Variants in GRIN3A observed in about 807,000 individuals in gnomAD.
GRIN3A encodes glutamate receptor ionotropic, NMDA 3A.
GRIN3A carries 47 observed loss-of-function variants against 92.4 expected under a neutral mutation model. That is an observed-to-expected ratio of 0.51 (90% confidence interval 0.40 to 0.65). GRIN3A has a LOEUF of 0.65. Among genes scored for constraint, GRIN3A ranks in the 30% least tolerant of loss-of-function variants. GRIN3A has a pLI of 0.00. For missense variants in GRIN3A, 1,324 were observed against 1,393.1 expected (o/e 0.95, Z 0.79); for synonymous variants, 527 against 540.6 (o/e 0.97, Z 0.35).
At chr9:101,604,721 T>G (rs1470022899) in intron 6 of GRIN3A, among the ~76,000 whole-genome samples, 2 of 152,260 alleles carry the variant, frequency 1.3e-5, no homozygotes, top group Admixed American at 6.5e-5. Flanking sequence ...AATACTGCAT[T>G]AAAACTGCCC....
intron 3 of GRIN3A, among the ~76,000 whole-genome samples, chr9:101,652,835 G>A (rs1397232298): frequency 6.6e-6 from 1 of 151,992 alleles, no homozygotes; most frequent in African/African-American, 2.4e-5. Context: ...GAAAAGGGCT[G>A]TGGAGCAGCC....
intron 3 of GRIN3A, among the ~76,000 whole-genome samples, chr9:101,663,238 C>T (rs966856583): frequency 5.9e-5 from 9 of 151,860 alleles, no homozygotes; most frequent in Admixed American, 5.9e-4. Flanking sequence ...ATCAGGTCTC[C>T]TGCCAGGCTC....
intron 6 of GRIN3A, chr9:101,600,872 A>C (rs1392769144): frequency 1.3e-5 from 2 of 152,366 alleles, no homozygotes; most frequent in East Asian, 3.9e-4. Flanking sequence ...GGCATCATTT[A>C]TTCAATCATG....
At chr9:101,589,619 C>CT (rs1315556335) in intron 6 of GRIN3A, among the ~76,000 whole-genome samples, 2 of 151,746 alleles carry the variant, frequency 1.3e-5, no homozygotes. Flanking sequence ...CACAATGAAG[C>CT]TTTTTTTTGA....
At chr9:101,709,360 C>T (rs1336543885) in intron 1 of GRIN3A, among the ~76,000 whole-genome samples, 1 of 152,058 alleles carries the variant, frequency 6.6e-6, no homozygotes, top group Non-Finnish European at 1.5e-5. Flanking sequence ...AAAAAATATA[C>T]CATTTATTGA....
At chr9:101,599,115 AT>A (rs1457021551) in intron 6 of GRIN3A, among the ~76,000 whole-genome samples, 5 of 152,218 alleles carry the variant, frequency 3.3e-5, no homozygotes, top group Non-Finnish European at 5.9e-5. Flanking sequence ...GAGTGAAGCC[AT>A]TGCTGTACCA....
At chr9:101,696,988 A>G (rs977142233) in intron 1 of GRIN3A, among the ~76,000 whole-genome samples, 2 of 152,194 alleles carry the variant, frequency 1.3e-5, no homozygotes, top group Non-Finnish European at 2.9e-5. Context: ...GTGATGTAAT[A>G]TGCCTTTTAT....
chr9:101,619,731 G>A (rs1828523066), intron 5 of GRIN3A, among the ~76,000 whole-genome samples: 1 of 152,264 alleles, frequency 6.6e-6, no homozygotes, highest in African/African-American at 2.4e-5. Context: ...ACAGGCAAAG[G>A]TCTTTGGCAG....
intron 6 of GRIN3A, among the ~76,000 whole-genome samples, chr9:101,595,898 C>A (rs1331011756): frequency 6.6e-6 from 1 of 152,148 alleles, no homozygotes; most frequent in Non-Finnish European, 1.5e-5. Context: ...GAGTGACAGT[C>A]GCCTCTGGAT....
intron 3 of GRIN3A, among the ~76,000 whole-genome samples, chr9:101,642,302 C>T (rs548341367): frequency 6.6e-6 from 1 of 152,156 alleles, no homozygotes; most frequent in East Asian, 1.9e-4. Flanking sequence ...TGCCCTTTAC[C>T]TGGCAGCATA....
At chr9:101,733,414 T>A (rs1343130467) in intron 1 of GRIN3A, among the ~76,000 whole-genome samples, 1 of 152,248 alleles carries the variant, frequency 6.6e-6, no homozygotes, top group Non-Finnish European at 1.5e-5. Flanking sequence ...AAAAGATCAC[T>A]GCTTTAAAAA....
At position 101,613,071 on chromosome 9, in the gene GRIN3A, T is replaced by C. The variant is rs188198836; in HGVS notation, c.2766+305A>G. Among the ~76,000 whole-genome samples the C allele has an allele frequency of 1.8e-3, 272 of 152,344 alleles. 1 individual carries two copies. The highest frequency in any genetic ancestry group is 3.2e-3 in the Non-Finnish European group (220 of 68,030). On this transcript the variant is annotated intron_variant, in intron 6 of 8. Transcript: ENST00000361820. Reference sequence around the variant, plus strand: ...AAACACTGTTCATGTCAATCTCAGATACTATTGCTGTAATTCAGAACAGCA... The same window carrying C: ...AAACACTGTTCATGTCAATCTCAGACACTATTGCTGTAATTCAGAACAGCA...
chr9:101,573,556 C>A, intron 8 of GRIN3A, 43 bp from the exon 9 acceptor site: 1 of 1,459,232 alleles, frequency 6.9e-7, no homozygotes, highest in Non-Finnish European at 9.6e-7. Context: ...CATTCTGCAG[C>A]TCTCAAGGTG....
At chr9:101,646,901 A>C (rs1158760122) in intron 3 of GRIN3A, among the ~76,000 whole-genome samples, 1 of 150,254 alleles carries the variant, frequency 6.7e-6, no homozygotes, top group Non-Finnish European at 1.5e-5. Flanking sequence ...TTTTTTGTAG[A>C]GTCTTTAGGG....
chr9:101,632,286 G>C (rs1828725311), intron 3 of GRIN3A, among the ~76,000 whole-genome samples: 1 of 152,074 alleles, frequency 6.6e-6, no homozygotes, highest in African/African-American at 2.4e-5. Context: ...GTTTCACATA[G>C]CACTGACAAC....
chr9:101,706,194 T>A (rs1829814782), intron 1 of GRIN3A, among the ~76,000 whole-genome samples: 2 of 152,198 alleles, frequency 1.3e-5, no homozygotes, highest in Non-Finnish European at 2.9e-5. Context: ...TACCTAATAC[T>A]ACTTGAACTT....
At chr9:101,720,841 C>A (rs1031487271) in intron 1 of GRIN3A, among the ~76,000 whole-genome samples, 64 of 152,098 alleles carry the variant, frequency 4.2e-4, no homozygotes, top group African/African-American at 1.5e-3. Context: ...GACTCTGGAG[C>A]CTACTGGAGG....
intron 1 of GRIN3A, among the ~76,000 whole-genome samples, chr9:101,698,083 C>A (rs550238828): frequency 1.3e-4 from 20 of 152,236 alleles, no homozygotes; most frequent in African/African-American, 4.3e-4. Context: ...GACAAACATA[C>A]AATCACATGT....
intron 1 of GRIN3A, among the ~76,000 whole-genome samples, chr9:101,694,486 G>T (rs1337214893): frequency 3.3e-5 from 5 of 152,192 alleles, no homozygotes; most frequent in African/African-American, 1.2e-4. Flanking sequence ...TTTTTCCCAT[G>T]ATAATTCCAC....
Sources: gnomAD v4.1 joint callset for allele counts (sites outside exome capture counted in the v4.1 genomes callset) on GRCh38, gnomAD v4.1.1 for gene constraint, MANE v1.5 for transcripts, NCBI Gene and HGNC (gene_info 2026-07-23, HGNC 2026-07-21) for gene names.